The following EPYC variants were observed in gnomAD, a reference collection of about 807,000 sequenced individuals.
EPYC encodes the protein dermatan sulfate proteoglycan 3.
In EPYC, 28 loss-of-function variants were observed where a neutral mutation model predicts 30.1. That is an observed-to-expected ratio of 0.93 (90% CI 0.69 to 1.28). The LOEUF (loss-of-function observed/expected upper bound fraction) is 1.28, where lower values mean the gene tolerates loss of function less well. Ranked by LOEUF, EPYC falls within the 50% of genes most tolerant of loss-of-function variation. The pLI, the probability that EPYC is intolerant of heterozygous loss-of-function variation, is 0.00. For missense variants in EPYC, 382 were observed against 383.5 expected, an observed-to-expected ratio of 1.00 and a Z score of 0.03; for synonymous variants, 144 against 141.4, an observed-to-expected ratio of 1.02 and a Z score of -0.13.
intron 6 of EPYC, 97 bp downstream of exon 6, chr12:90,969,947 T>C: frequency 1.2e-6 from 1 of 801,564 alleles, no homozygotes. Flanking sequence ...TCACAGTGTG[T>C]CAACATGCCA....
chr12:90,983,585 G>A (rs1877376385), intron 2 of EPYC, among the ~76,000 whole-genome samples: 1 of 152,016 alleles, frequency 6.6e-6, no homozygotes, highest in Non-Finnish European at 1.5e-5. Flanking sequence ...TTCAGCTCCG[G>A]GGTCCCAACA....
At chr12:90,983,234 A>C (rs1185316800) in intron 2 of EPYC, among the ~76,000 whole-genome samples, 1 of 152,152 alleles carries the variant, frequency 6.6e-6, no homozygotes, top group Non-Finnish European at 1.5e-5. Context: ...ATGGACACAA[A>C]ATATACTCCC....
rs140814044 is a variant in EPYC, at chr12:90,970,583, C to A, written c.703-444G>T. Among the ~76,000 whole-genome samples the A allele has an allele frequency of 2.8e-3, 431 of 152,288 alleles. 4 individuals are homozygous for A. The highest frequency in any genetic ancestry group is 9.8e-3 in the African/African-American group (409 of 41,572). On this transcript the variant is annotated intron_variant, in intron 5 of 6. Coordinates refer to ENST00000261172, the MANE Select transcript of EPYC (RefSeq NM_004950.5). ...TGGTAGCCCAACTACCAGAAAAGGG[C>A]AGCCTAGCAAGACAAAAAACATTTA...
chr12:91,002,884 A>C (rs1370258115), intron 1 of EPYC, among the ~76,000 whole-genome samples: 3 of 152,134 alleles, frequency 2.0e-5, no homozygotes, highest in African/African-American at 7.2e-5. Flanking sequence ...TCATCTAATA[A>C]TTTTACCATT....
chr12:90,983,896 A>G (rs1877383575), intron 2 of EPYC, among the ~76,000 whole-genome samples: 1 of 152,092 alleles, frequency 6.6e-6, no homozygotes, highest in African/African-American at 2.4e-5. Context: ...CCAAAGCCCC[A>G]TTGGAGGGGG....
chr12:90,995,826 T>A (rs1320826925), intron 2 of EPYC, among the ~76,000 whole-genome samples: 1 of 151,904 alleles, frequency 6.6e-6, no homozygotes, highest in Non-Finnish European at 1.5e-5. Flanking sequence ...TTTAAAAGAA[T>A]CTTATGGAAA....
intron 2 of EPYC, among the ~76,000 whole-genome samples, chr12:90,988,444 G>A (rs2120847829): frequency 6.6e-6 from 1 of 152,184 alleles, no homozygotes; most frequent in Admixed American, 6.5e-5. Context: ...TAAATTTGTT[G>A]AAAATGAACC....
At chr12:90,994,025 G>A (rs1256230643) in intron 2 of EPYC, among the ~76,000 whole-genome samples, 4 of 151,982 alleles carry the variant, frequency 2.6e-5, no homozygotes, top group East Asian at 1.9e-4. Context: ...TACAGATCTC[G>A]TATACATATA....
At chr12:90,992,317 C>T (rs1243198566) in intron 2 of EPYC, among the ~76,000 whole-genome samples, 1 of 152,124 alleles carries the variant, frequency 6.6e-6, no homozygotes, top group Non-Finnish European at 1.5e-5. Flanking sequence ...GGCCTCACAG[C>T]TTGTTAAGAA....
chr12:90,963,888 A>T lies in EPYC; in HGVS notation c.*268T>A, dbSNP rs779866267. The T allele has an allele frequency of 4.0e-6, 1 of 250,830 alleles. No homozygotes were observed. The highest frequency in any genetic ancestry group is 2.2e-5 in the African/African-American group (1 of 45,512). 15.5% of individuals were successfully genotyped at this position (250,830 alleles called of 1,614,324 possible). A position where few individuals can be genotyped will look rare whatever the true frequency, so the allele number is the denominator to read the frequency against. ...AGGATATGAACTCCTAAAACTTGCAAGTGATACATGATCTATAAGAACATG... is the reference window on the plus strand; with the variant it reads ...AGGATATGAACTCCTAAAACTTGCATGTGATACATGATCTATAAGAACATG... On this transcript the variant is annotated 3_prime_UTR_variant, in exon 7 of 7. Transcript: ENST00000261172.
intron 3 of EPYC, among the ~76,000 whole-genome samples, chr12:90,974,102 C>G (rs531235100): frequency 6.6e-6 from 1 of 150,490 alleles, no homozygotes; most frequent in African/African-American, 2.4e-5. Flanking sequence ...TCTTCATTTT[C>G]TGTTTAGTGA....
Position 91,002,520 on chromosome 12 carries a change from C to T in EPYC, c.46G>A (p.Ala16Thr), listed in dbSNP as rs201528697. 4.3e-5 allele frequency: 69 copies of T among 1,613,136 alleles called. No homozygotes were observed. Among genetic ancestry groups the T allele is most frequent in the Non-Finnish European group, 4.8e-5 (57 of 1,179,554 alleles). The change falls in exon 2 of 7, where the codon GCT becomes ACT. Residue 16 changes from alanine to threonine, a missense_variant. Ala to Thr is a moderately conservative substitution (Grantham distance 58, BLOSUM62 0). Coordinates refer to ENST00000261172, the MANE Select transcript of EPYC (RefSeq NM_004950.5). Reference sequence around the variant, plus strand: ...TCTAGAGTTGGGGCAGTCACAGCAGCATCAAAGATGACAAGTCCCAGAACA... The same window carrying T: ...TCTAGAGTTGGGGCAGTCACAGCAGTATCAAAGATGACAAGTCCCAGAACA... ...GLVLGLVIFD[A>T]AVTAPTLESI...
intron 3 of EPYC, among the ~76,000 whole-genome samples, chr12:90,976,173 G>T (rs1374301527): frequency 1.3e-5 from 2 of 152,082 alleles, no homozygotes; most frequent in African/African-American, 4.8e-5. Flanking sequence ...GGTTATCAGA[G>T]CCTCAGGAAA....
intron 2 of EPYC, among the ~76,000 whole-genome samples, chr12:90,992,931 A>T (rs1419888416): frequency 6.6e-6 from 1 of 152,154 alleles, no homozygotes; most frequent in Non-Finnish European, 1.5e-5. Context: ...TATTAGTCAA[A>T]TGTGGCATCA....
intron 2 of EPYC, among the ~76,000 whole-genome samples, chr12:90,989,206 A>C (rs1242403566): frequency 1.3e-5 from 2 of 152,122 alleles, no homozygotes; most frequent in Non-Finnish European, 2.9e-5. Flanking sequence ...ATTAGAAAAA[A>C]TAAAAGCATA....
intron 2 of EPYC, among the ~76,000 whole-genome samples, chr12:90,981,319 G>A (rs1178399547): frequency 6.6e-6 from 1 of 152,114 alleles, no homozygotes; most frequent in Admixed American, 6.6e-5. Flanking sequence ...TGACCCTGAA[G>A]TGTCTCAGAC....
chr12:90,992,385 A>T (rs1289360823), intron 2 of EPYC, among the ~76,000 whole-genome samples: 1 of 152,188 alleles, frequency 6.6e-6, no homozygotes, highest in Non-Finnish European at 1.5e-5. Flanking sequence ...TGGGGAATAG[A>T]GAAAACTTTC....
intron 2 of EPYC, among the ~76,000 whole-genome samples, chr12:90,999,582 T>C (rs1877774124): frequency 6.6e-6 from 1 of 152,184 alleles, no homozygotes; most frequent in African/African-American, 2.4e-5. Flanking sequence ...ATTGGTTACG[T>C]TAGTAGTATT....
chr12:90,981,592 A>G (rs1386918898), intron 2 of EPYC, among the ~76,000 whole-genome samples: 1 of 152,176 alleles, frequency 6.6e-6, no homozygotes, highest in South Asian at 2.1e-4. Context: ...GCCCCTTAGC[A>G]GAAAGTGCAT....
Sources: gnomAD v4.1 joint callset for allele counts (sites outside exome capture counted in the v4.1 genomes callset) on GRCh38, gnomAD v4.1.1 for gene constraint, MANE v1.5 for transcripts, NCBI Gene and HGNC (gene_info 2026-07-23, HGNC 2026-07-21) for gene names.